Variants in TAF1B observed in about 807,000 individuals in gnomAD.
TAF1B encodes the protein TATA box-binding protein-associated factor RNA polymerase I subunit B.
Under a neutral mutation model 83.9 loss-of-function variants are expected in TAF1B, and 61 were observed. The ratio of observed to expected loss-of-function variants is 0.73; its 90% CI spans 0.59 to 0.90. The LOEUF (loss-of-function observed/expected upper bound fraction) is 0.90, where lower values mean the gene tolerates loss of function less well. Ranked by LOEUF, TAF1B falls within the 40% of genes least tolerant of loss-of-function variation. The pLI, the probability that TAF1B is intolerant of heterozygous loss-of-function variation, is 0.00. For synonymous variants in TAF1B, 221 were observed against 224.6 expected, an observed-to-expected ratio of 0.98 and a Z score of 0.14; for missense variants, 625 against 677.0, an observed-to-expected ratio of 0.92 and a Z score of 0.85.
chr2:9,917,375 G>A (rs1025364255), intron 12 of TAF1B, among the ~76,000 whole-genome samples: 2 of 152,062 alleles, frequency 1.3e-5, no homozygotes, highest in African/African-American at 2.4e-5. Flanking sequence ...AAAAATAAAT[G>A]GTGAGAAATT....
chr2:9,855,274 C>G (rs1306486622), intron 5 of TAF1B, among the ~76,000 whole-genome samples: 2 of 152,198 alleles, frequency 1.3e-5, no homozygotes, highest in Admixed American at 1.3e-4. Flanking sequence ...GGATTACAGG[C>G]GTGAGCCACT....
At chr2:9,887,373 C>A (rs780045608) in intron 8 of TAF1B, among the ~76,000 whole-genome samples, 19 of 152,194 alleles carry the variant, frequency 1.2e-4, no homozygotes, top group Non-Finnish European at 2.1e-4. Flanking sequence ...ACTATGATTG[C>A]AACTTTTGTT....
At chr2:9,919,933 G>A in intron 14 of TAF1B, 113 bp downstream of exon 14, 2 of 963,698 alleles carry the variant, frequency 2.1e-6, no homozygotes. Context: ...ACGAAAATCA[G>A]AATTATACAT....
chr2:9,843,575 A>G lies in TAF1B; in HGVS notation c.18+16A>G, dbSNP rs144776624. ...CGAGGAGGCGGTAAGGAGGCGGTGC[A>G]CCTGGCGGGCCACGATCGCCGGGGC... On this transcript the variant is annotated intron_variant, in intron 1 of 14. Coordinates refer to ENST00000263663, the MANE Select transcript of TAF1B (RefSeq NM_005680.3). 0.061 allele frequency: 92,200 copies of G among 1,511,394 alleles called. 3,170 individuals are homozygous for G. Among genetic ancestry groups the G allele is most frequent in the African/African-American group, 0.084 (5,816 of 69,618 alleles). 93.6% of individuals were successfully genotyped at this position (1,511,394 alleles called of 1,614,324 possible).
intron 2 of TAF1B, among the ~76,000 whole-genome samples, chr2:9,848,580 T>C (rs1257479081): frequency 6.6e-6 from 1 of 151,944 alleles, no homozygotes; most frequent in Non-Finnish European, 1.5e-5. Flanking sequence ...GCTGGAGAAT[T>C]GCTTGAACCT....
At chr2:9,843,799 G>T in intron 1 of TAF1B, 1 of 477,214 alleles carries the variant, frequency 2.1e-6, no homozygotes, top group Non-Finnish European at 3.7e-6. Flanking sequence ...AGGGTGTGGT[G>T]TTTGTCGTTA....
At chr2:9,902,508 C>CT (rs1665212563) in intron 8 of TAF1B, among the ~76,000 whole-genome samples, 1 of 152,154 alleles carries the variant, frequency 6.6e-6, no homozygotes, top group African/African-American at 2.4e-5. Context: ...GAATCATTCT[C>CT]TTTTGCATCT....
At chr2:9,855,436 T>G (rs1359484993) in intron 5 of TAF1B, among the ~76,000 whole-genome samples, 1 of 152,146 alleles carries the variant, frequency 6.6e-6, no homozygotes, top group African/African-American at 2.4e-5. Flanking sequence ...CCCAACACTT[T>G]GAGAGGCTAG....
At chr2:9,862,761 C>T (rs879719266) in intron 5 of TAF1B, among the ~76,000 whole-genome samples, 55 of 152,240 alleles carry the variant, frequency 3.6e-4, no homozygotes, top group Non-Finnish European at 7.5e-4. Context: ...AGAAACTCTA[C>T]AAGCCAGAAG....
chr2:9,851,221 A>C (rs1173589255), intron 3 of TAF1B, among the ~76,000 whole-genome samples: 1 of 152,152 alleles, frequency 6.6e-6, no homozygotes, highest in Non-Finnish European at 1.5e-5. Context: ...TAACATGGTG[A>C]CTATTCATTT....
rs544086969 is a variant in TAF1B, at chr2:9,843,530, C to G, written c.-12C>G. The G allele has an allele frequency of 1.3e-6, 2 of 1,522,514 alleles. No homozygotes were observed. The highest frequency in any genetic ancestry group is 1.2e-5 in the South Asian group (1 of 82,032). 94.3% of individuals were successfully genotyped at this position (1,522,514 alleles called of 1,614,324 possible). A position where few individuals can be genotyped will look rare whatever the true frequency, so the allele number is the denominator to read the frequency against. ...AACGGGTCCCGGCTGTGGAAGCTCC[C>G]GCGGCGCCGCGATGGACCTCGAGGA... On this transcript the variant is annotated 5_prime_UTR_variant, in exon 1 of 15. Transcript: ENST00000263663.
intron 8 of TAF1B, among the ~76,000 whole-genome samples, chr2:9,902,817 CA>C (rs1665222930): frequency 6.6e-6 from 1 of 152,138 alleles, no homozygotes; most frequent in South Asian, 2.1e-4. Flanking sequence ...ATAGATACTG[CA>C]AAATGGATTT....
Position 9,909,897 on chromosome 2 carries a change from C to G in TAF1B, c.956-839C>G, listed in dbSNP as rs189641337. 7.9e-5 allele frequency among the ~76,000 whole-genome samples: 12 copies of G among 152,284 alleles called. No homozygotes were observed. The East Asian group carries it at 2.3e-3, about 29-fold the overall frequency. On this transcript the variant is annotated intron_variant, in intron 9 of 14. Coordinates refer to ENST00000263663, the MANE Select transcript of TAF1B (RefSeq NM_005680.3). ...AGGCAGTTTGGTTCCATAGTCTATT[C>G]TCAACCATGGTACTATATGCCACAT...
Position 9,933,889 on chromosome 2 carries a change from C to T in TAF1B, c.1672C>T (p.His558Tyr). The change falls in exon 15 of 15, where the codon CAT (histidine) becomes TAT (tyrosine). Residue 558 changes from histidine to tyrosine, a missense_variant. Physicochemically the swap from His to Tyr is moderately conservative, Grantham distance 83. Coordinates refer to ENST00000263663, the MANE Select transcript of TAF1B (RefSeq NM_005680.3). ...FLLRIKTSLLHEEVSLVEKKL... is the reference protein window; with the variant it reads ...FLLRIKTSLLYEEVSLVEKKL... ...GCTCAGAATAAAGACTTCCCTTCTC[C>T]ATGAAGAAGTGAGCTTAGTTGAGAA... 6.2e-7 allele frequency: 1 copy of T among 1,613,544 alleles called. No individual in the cohort carries two copies. The highest frequency in any genetic ancestry group is 8.5e-7 in the Non-Finnish European group (1 of 1,179,692).
Position 9,870,916 on chromosome 2 carries a change from A to G in TAF1B, c.553+2487A>G, listed in dbSNP as rs542221870. Among the ~76,000 whole-genome samples, 3 of 152,306 alleles carry G rather than the reference A, an allele frequency of 2.0e-5. No individual in the cohort carries two copies. In the South Asian group the frequency reaches 6.2e-4, roughly 32 times the overall value. Reference sequence around the variant, plus strand: ...GTTTATTACTAATCCATAATTTATTACTAATGTATCTCCACACTTCCAGTT... The same window carrying G: ...GTTTATTACTAATCCATAATTTATTGCTAATGTATCTCCACACTTCCAGTT... On this transcript the variant is annotated intron_variant, in intron 6 of 14. Coordinates refer to ENST00000263663, the MANE Select transcript of TAF1B (RefSeq NM_005680.3).
chr2:9,879,258 G>A (rs1331271949), intron 7 of TAF1B, among the ~76,000 whole-genome samples: 4 of 152,134 alleles, frequency 2.6e-5, no homozygotes, highest in Non-Finnish European at 5.9e-5. Flanking sequence ...TGAGCTTTGA[G>A]GCTGTTATTA....
rs560448827 is a variant in TAF1B, at chr2:9,931,537, G to T, written c.1566-2246G>T. Reference sequence around the variant, plus strand: ...TTGTAGAGTTTCTGCCGAGAGATCAGCTGTTAGTCTGATGGGCTTCCCTTT... The same window carrying T: ...TTGTAGAGTTTCTGCCGAGAGATCATCTGTTAGTCTGATGGGCTTCCCTTT... On this transcript the variant is annotated intron_variant, in intron 14 of 14. Coordinates refer to ENST00000263663, the MANE Select transcript of TAF1B (RefSeq NM_005680.3). Among the ~76,000 whole-genome samples the T allele has an allele frequency of 8.5e-5, 13 of 152,306 alleles. No homozygotes were observed. In the South Asian group the frequency reaches 2.5e-3, roughly 29 times the overall value.
intron 14 of TAF1B, among the ~76,000 whole-genome samples, chr2:9,922,868 G>A (rs1665919398): frequency 6.6e-6 from 1 of 152,164 alleles, no homozygotes. Flanking sequence ...TGAGGTATTT[G>A]ATGTGTGTCA....
rs749977478 is a variant in TAF1B, at chr2:9,845,307, AAT to A, written c.107_108del (p.Asn36SerfsTer12). 1 of 1,613,102 alleles carries A rather than the reference AAT, an allele frequency of 6.2e-7. No individual in the cohort carries two copies. Among genetic ancestry groups the A allele is most frequent in the African/African-American group, 1.3e-5 (1 of 74,918 alleles). ...EGKYYCTSCH[N>X]VTERYQEVTN... ...CAAATATTATTGCACTTCTTGCCAC[AAT>A]GTTACAGAGGTAAGTAACAAATATC... On this transcript the variant is annotated frameshift_variant, in exon 2 of 15. Transcript: ENST00000263663. LOFTEE classifies it high-confidence loss of function.
Sources: allele counts gnomAD v4.1 joint callset (sites outside exome capture counted in the v4.1 genomes callset), GRCh38; gene constraint gnomAD v4.1.1; transcripts MANE v1.5; gene names NCBI Gene and HGNC (gene_info 2026-07-23, HGNC 2026-07-21).